The following SERBP1 variants were observed in gnomAD, a reference collection of about 807,000 sequenced individuals.
The protein encoded by SERBP1 is SERPINE1 mRNA binding protein 1.
A neutral mutation model predicts 50.2 loss-of-function variants in SERBP1; 6 were observed. That is an observed-to-expected ratio of 0.12 (90% CI 0.07 to 0.24). The LOEUF is 0.24. Among genes scored for constraint, SERBP1 ranks in the 10% least tolerant of loss-of-function variants. The pLI is 1.00. For missense variants in SERBP1, 346 were observed against 524.9 expected, an observed-to-expected ratio of 0.66 and a Z score of 3.33; for synonymous variants, 168 against 182.8, an observed-to-expected ratio of 0.92 and a Z score of 0.65.
intron 7 of SERBP1, 68 bp from the exon 8 acceptor site, chr1:67,413,331 T>C: frequency 7.4e-7 from 1 of 1,360,264 alleles, no homozygotes; most frequent in African/African-American, 1.5e-5. Flanking sequence ...AGCTAGTGTC[T>C]ACATTAAGAC....
At position 67,427,817 on chromosome 1, in the gene SERBP1, T is replaced by C. The variant is rs182308043; in HGVS notation, c.314-1532A>G. 7.2e-5 allele frequency among the ~76,000 whole-genome samples: 11 copies of C among 152,346 alleles called. 2 individuals are homozygous for C. In the East Asian group the frequency reaches 9.6e-4, roughly 13 times the overall value. On this transcript the variant is annotated intron_variant, in intron 1 of 7. Coordinates refer to ENST00000361219, the MANE Select transcript of SERBP1 (RefSeq NM_001018069.2). ...ATGCAAGCTTCTTTTGATATACTTA[T>C]CTATAACTTGCAAGCTCACTAACTG...
intron 5 of SERBP1, among the ~76,000 whole-genome samples, chr1:67,422,022 ATTGT>A (rs1667215026): frequency 6.6e-6 from 1 of 152,212 alleles, no homozygotes. Context: ...TCACAACTTC[ATTGT>A]TTATCATGCA....
intron 6 of SERBP1, among the ~76,000 whole-genome samples, chr1:67,418,075 A>C (rs1667081923): frequency 6.9e-6 from 1 of 143,938 alleles, no homozygotes; most frequent in Admixed American, 7.4e-5. Context: ...TCCTGTGTTA[A>C]AGTGATTCTC....
intron 6 of SERBP1, chr1:67,417,149 A>ATGC: frequency 6.6e-6 from 1 of 152,324 alleles, no homozygotes; most frequent in East Asian, 1.9e-4. Context: ...AGCTGTGACC[A>ATGC]TGCTACTGCA....
At chr1:67,424,692 C>T (rs187591928) in intron 4 of SERBP1, among the ~76,000 whole-genome samples, 196 bp downstream of exon 4, 1,787 of 151,996 alleles carry the variant, frequency 0.012, 16 homozygotes, top group Non-Finnish European at 0.017. Flanking sequence ...AAATGAGTAA[C>T]AAATATATCG....
intron 7 of SERBP1, 101 bp from the exon 8 acceptor site, chr1:67,413,364 G>A (rs1428253705): frequency 2.7e-6 from 3 of 1,128,582 alleles, no homozygotes; most frequent in Non-Finnish European, 3.7e-6. Context: ...AAATCTTACT[G>A]TTGGCCAGGC....
intron 5 of SERBP1, among the ~76,000 whole-genome samples, chr1:67,422,993 AC>A (rs1667250102): frequency 6.6e-6 from 1 of 151,078 alleles, no homozygotes; most frequent in East Asian, 2.0e-4. Flanking sequence ...ACAAAACAAA[AC>A]AAAACAAAAC....
rs1666889378 is a variant in SERBP1 at position 67,412,990 on chromosome 1, A to C, written c.*217T>G. The C allele has an allele frequency of 1.7e-6, 1 of 575,958 alleles. No individual in the cohort carries two copies. 35.7% of individuals were successfully genotyped at this position (575,958 alleles called of 1,614,324 possible). A position where few individuals can be genotyped will look rare whatever the true frequency, so the allele number is the denominator to read the frequency against. ...AATTATGAAAACATCCCTGCTACCA[A>C]TACATTTCTAAATACAAAACTGACT... On this transcript the variant is annotated 3_prime_UTR_variant, in exon 8 of 8. Transcript: ENST00000361219.
intron 6 of SERBP1, among the ~76,000 whole-genome samples, chr1:67,417,050 C>A (rs887341850): frequency 6.6e-6 from 1 of 152,088 alleles, no homozygotes; most frequent in Non-Finnish European, 1.5e-5. Context: ...CTGCTTGAGT[C>A]CAGGAGTTGG....
intron 6 of SERBP1, among the ~76,000 whole-genome samples, chr1:67,418,771 T>A (rs924937667): frequency 9.4e-5 from 14 of 149,014 alleles, no homozygotes; most frequent in African/African-American, 2.2e-4. Context: ...AAAAAAAAAA[T>A]AAAAATAACT....
Position 67,415,250 on chromosome 1 carries a change from A to G in SERBP1, c.1041T>C (p.Leu347=). ...CCCTGCCGCCACGTCCTGGGCGGCC[A>G]AGGTCTCCAAAATTGATCTCCAGCT... ...TSQLEINFGD[L]GRPGRGGRGG... Residue 347 remains leucine (L), a synonymous_variant, in exon 7 of 8, where the codon CTT becomes CTC. Transcript: ENST00000361219. The G allele has an allele frequency of 6.2e-7, 1 of 1,613,374 alleles. No homozygotes were observed. Among genetic ancestry groups the G allele is most frequent in the African/African-American group, 1.3e-5 (1 of 75,036 alleles).
chr1:67,426,910 A>C (rs943836810), intron 1 of SERBP1, among the ~76,000 whole-genome samples: 1 of 152,206 alleles, frequency 6.6e-6, no homozygotes, highest in Non-Finnish European at 1.5e-5. Flanking sequence ...CTTCAGTTTA[A>C]AACAGCCATT....
intron 1 of SERBP1, among the ~76,000 whole-genome samples, chr1:67,428,951 T>C (rs1667475608): frequency 6.6e-6 from 1 of 152,170 alleles, no homozygotes; most frequent in South Asian, 2.1e-4. Flanking sequence ...TTGCTATTGA[T>C]CATGCACGTT....
intron 5 of SERBP1, among the ~76,000 whole-genome samples, chr1:67,421,725 G>A (rs1389577058): frequency 6.6e-6 from 1 of 152,098 alleles, no homozygotes; most frequent in Admixed American, 6.6e-5. Context: ...AGGCCAAGGC[G>A]GGAGGATCAC....
In SERBP1 at chr1:67,424,358, C is replaced by T. The variant is rs745907861; in HGVS notation, c.696-81G>A. On this transcript the variant is annotated intron_variant, in intron 4 of 7. Coordinates refer to ENST00000361219, the MANE Select transcript of SERBP1 (RefSeq NM_001018069.2). ...AAAGAAAAAGAAAGGCATCTAGGTC[C>T]ATTTACATGTAGCTGAAAAGTTCTT... The T allele has an allele frequency of 5.8e-6, 9 of 1,550,086 alleles. No homozygotes were observed. In the South Asian group the frequency reaches 1.1e-4, roughly 19 times the overall value.
At position 67,418,222 on chromosome 1, in the gene SERBP1, G is replaced by A. The variant is rs756036275; in HGVS notation, c.951+1787C>T. On this transcript the variant is annotated intron_variant, in intron 6 of 7. Coordinates refer to ENST00000361219, the MANE Select transcript of SERBP1 (RefSeq NM_001018069.2). Reference sequence around the variant, plus strand: ...ACTCCCGACCTCAGGTGATCCGCCCGCCTCAGTCTCCCAAAAGTGCTGGGA... The same window carrying A: ...ACTCCCGACCTCAGGTGATCCGCCCACCTCAGTCTCCCAAAAGTGCTGGGA... Among the ~76,000 whole-genome samples the A allele has an allele frequency of 4.6e-5, 7 of 151,146 alleles. No homozygotes were observed. The South Asian group carries it at 6.3e-4, about 14-fold the overall frequency.
At chr1:67,421,290 G>C (rs761579219) in intron 5 of SERBP1, among the ~76,000 whole-genome samples, 1 of 152,130 alleles carries the variant, frequency 6.6e-6, no homozygotes, top group South Asian at 2.1e-4. Context: ...GCCAGGAATA[G>C]AACTTAGCAT....
At chr1:67,425,962 A>T (rs890693515) in intron 2 of SERBP1, among the ~76,000 whole-genome samples, 173 bp downstream of exon 2, 2 of 152,158 alleles carry the variant, frequency 1.3e-5, no homozygotes, top group African/African-American at 4.8e-5. Context: ...TCTACAAAAA[A>T]AATTAGCAGT....
chr1:67,414,366 TA>T (rs35420269), intron 7 of SERBP1, among the ~76,000 whole-genome samples: 86,417 of 150,530 alleles, frequency 0.57, 26,400 homozygotes, highest in Non-Finnish European at 0.68. Flanking sequence ...ACCACCACCT[TA>T]AAAAAAAAAG....
Sources: gnomAD v4.1 joint callset for allele counts (sites outside exome capture counted in the v4.1 genomes callset) on GRCh38, gnomAD v4.1.1 for gene constraint, MANE v1.5 for transcripts, NCBI Gene and HGNC (gene_info 2026-07-23, HGNC 2026-07-21) for gene names.